The following TRNT1 variants were observed in gnomAD, a reference collection of about 807,000 sequenced individuals.
The protein encoded by TRNT1 is tRNA nucleotidyl transferase 1, also known as CCA tRNA nucleotidyltransferase 1, mitochondrial.
TRNT1 carries 44 observed loss-of-function variants against 45.6 expected under a neutral mutation model. The observed-to-expected ratio is 0.97, with a 90% CI of 0.76 to 1.24. The LOEUF is 1.24. Among genes scored for constraint, TRNT1 ranks in the 50% most tolerant of loss-of-function variants. The probability of loss-of-function intolerance (pLI) is 0.00; values close to 1 mark genes in which losing one functional copy is unlikely to be tolerated. For missense variants in TRNT1, 633 were observed against 504.4 expected (o/e 1.25, Z -2.44); for synonymous variants, 201 against 171.4 (o/e 1.17, Z -1.35).
In TRNT1 at chr3:3,137,547, A is replaced by G. The variant is rs146715294; in HGVS notation, c.342+94A>G. 1,602 of 1,111,744 alleles carry G rather than the reference A, an allele frequency of 1.4e-3. 17 individuals carry two copies. The African/African-American group carries it at 0.022, about 16-fold the overall frequency. 68.9% of individuals were successfully genotyped at this position (1,111,744 alleles called of 1,614,324 possible). A position where few individuals can be genotyped will look rare whatever the true frequency, so the allele number is the denominator to read the frequency against. On this transcript the variant is annotated intron_variant, in intron 3 of 7. Transcript: ENST00000251607. The stretch of plus-strand genomic sequence containing the variant: ...GTTAAAAGCAAATAACGAAAAGTCT[A>G]ATAAAAAAGTCAGTCTCTTCTATGC...
In TRNT1 at chr3:3,147,586, G is replaced by T. The variant is rs756115975; in HGVS notation, c.939G>T (p.Leu313Phe). 17 of 1,613,956 alleles carry T rather than the reference G, an allele frequency of 1.1e-5. No individual in the cohort carries two copies. In the South Asian group the frequency reaches 1.9e-4, roughly 18 times the overall value. The change falls in exon 7 of 8, where the codon TTG (leucine) becomes TTT (phenylalanine). Residue 313 changes from leucine to phenylalanine, a missense_variant. Leu to Phe is a conservative substitution (Grantham distance 22, BLOSUM62 0). Coordinates refer to ENST00000251607, the MANE Select transcript of TRNT1 (RefSeq NM_182916.3). The stretch of plus-strand genomic sequence containing the variant: ...ATGTCACAAAATTGGATTTGAGGTT[G>T]AAGATCGCAAAAGAGGAGAAAAACC... ...QDDVTKLDLR[L>F]KIAKEEKNLG...
chr3:3,152,307 C>T (rs1401413459), downstream of TRNT1: 4 of 817,996 alleles, frequency 4.9e-6, no homozygotes, highest in East Asian at 1.1e-4. Flanking sequence ...CCCCTGCCCC[C>T]ATACCCGGCT....
intron 4 of TRNT1, among the ~76,000 whole-genome samples, chr3:3,143,053 C>T (rs1705755478): frequency 6.6e-6 from 1 of 152,170 alleles, no homozygotes; most frequent in Non-Finnish European, 1.5e-5. Context: ...CAAACACAGC[C>T]AAGAGGTATT....
rs779471673 is a variant in TRNT1 at position 3,148,004 on chromosome 3, A to G, written c.1155A>G (p.Pro385=). ...AAATGCAGCAGTGGTCCATTCCTCC[A>G]TTTCCTGTAAGTGGCCATGACATCA... is the stretch of plus-strand genomic sequence containing the variant. The part of the protein sequence containing the change: ...LKEMQQWSIP[P]FPVSGHDIRK... Residue 385 remains proline (P), a synonymous_variant, in exon 8 of 8, where the codon CCA becomes CCG. Coordinates refer to ENST00000251607, the MANE Select transcript of TRNT1 (RefSeq NM_182916.3). 5 of 1,613,856 alleles carry G rather than the reference A, an allele frequency of 3.1e-6. No individual in the cohort carries two copies. In the African/African-American group the frequency reaches 4.0e-5, roughly 13 times the overall value.
At chr3:3,141,736 T>C (rs148440091) in intron 4 of TRNT1, among the ~76,000 whole-genome samples, 53 of 152,288 alleles carry the variant, frequency 3.5e-4, no homozygotes, top group African/African-American at 9.9e-4. Context: ...ATAACCTAGT[T>C]TGTAGCAATA....
intron 2 of TRNT1, among the ~76,000 whole-genome samples, chr3:3,133,239 C>A (rs1056864177): frequency 4.6e-5 from 7 of 152,086 alleles, no homozygotes; most frequent in Non-Finnish European, 7.3e-5. Flanking sequence ...TCAGTACAAT[C>A]ATATGCTAGT....
rs745817126 is a variant in TRNT1 at position 3,146,459 on chromosome 3, G to T, written c.638G>T (p.Gly213Val). The T allele has an allele frequency of 6.2e-7, 1 of 1,613,170 alleles. No homozygotes were observed. Among genetic ancestry groups the T allele is most frequent in the Non-Finnish European group, 8.5e-7 (1 of 1,179,712 alleles). Reference sequence around the variant, plus strand: ...TATGGGAGAATTGTAGACAAACCTGGTGACCATGATCCTGAGACTTTGGAA... The same window carrying T: ...TATGGGAGAATTGTAGACAAACCTGTTGACCATGATCCTGAGACTTTGGAA... ...RFYGRIVDKP[G>V]DHDPETLEAI... Residue 213 changes from glycine to valine, a missense_variant, in exon 6 of 8, where the codon GGT becomes GTT. Transcript: ENST00000251607.
downstream of TRNT1, chr3:3,152,710 A>AGTT (rs1161798024): frequency 4.3e-5 from 50 of 1,149,956 alleles, 1 homozygote; most frequent in African/African-American, 3.1e-4. Flanking sequence ...TTAATCCTTC[A>AGTT]GTTTTATATA....
rs111499214 is a variant in TRNT1, at chr3:3,144,454, C to T, written c.482-130C>T. Reference sequence around the variant, plus strand: ...ATTTGATAGTTGATATGTATGAATACGTATGTGTTTTAATAACTGTTCACT... The same window carrying T: ...ATTTGATAGTTGATATGTATGAATATGTATGTGTTTTAATAACTGTTCACT... On this transcript the variant is annotated intron_variant, in intron 4 of 7. Transcript: ENST00000251607. 1,201 of 817,070 alleles carry T rather than the reference C, an allele frequency of 1.5e-3. 6 individuals carry two copies. In the African/African-American group the frequency reaches 0.018, roughly 12 times the overall value. 50.6% of individuals were successfully genotyped at this position (817,070 alleles called of 1,614,324 possible). A position where few individuals can be genotyped will look rare whatever the true frequency, so the allele number is the denominator to read the frequency against.
Position 3,147,824 on chromosome 3 carries a change from T to TTGAG in TRNT1, c.1057-80_1057-77dup, listed in dbSNP as rs1706154032. 70 of 1,528,460 alleles carry TTGAG rather than the reference T, an allele frequency of 4.6e-5. 1 individual carries two copies. The South Asian group carries it at 6.6e-4, about 14-fold the overall frequency. 94.7% of individuals were successfully genotyped at this position (1,528,460 alleles called of 1,614,324 possible). The stretch of plus-strand genomic sequence containing the variant: ...CTTATTTTAAATGAAAAAATTTATG[T>TTGAG]TGAGTATTTAAATTTTAGGATAAGA... On this transcript the variant is annotated intron_variant, in intron 7 of 7. Transcript: ENST00000251607.
At position 3,144,694 on chromosome 3, in the gene TRNT1, A is replaced by C. The variant is rs757780903; in HGVS notation, c.592A>C (p.Ile198Leu). 6.5e-7 allele frequency: 1 copy of C among 1,539,564 alleles called. No homozygotes were observed. The highest frequency in any genetic ancestry group is 2.1e-5 in the Admixed American group (1 of 48,698). ...GAGAATACAAGAGGATTATCTTAGA[A>C]TTTTAAGATACTTCAGGTAAGAATT... ...KQRIQEDYLR[I>L]LRYFRFYGRI... The change falls in exon 5 of 8, where the codon ATT becomes CTT. Residue 198 changes from isoleucine (I) to leucine (L), a missense_variant. Coordinates refer to ENST00000251607, the MANE Select transcript of TRNT1 (RefSeq NM_182916.3).
intron 4 of TRNT1, 95 bp downstream of exon 4, chr3:3,140,743 G>A: frequency 6.9e-7 from 1 of 1,449,670 alleles, no homozygotes. Flanking sequence ...AACTTGAGAA[G>A]TTGCATTAAT....
chr3:3,139,528 C>G (rs1705517837), intron 3 of TRNT1, among the ~76,000 whole-genome samples: 5 of 152,306 alleles, frequency 3.3e-5, no homozygotes, highest in Non-Finnish European at 1.5e-5. Flanking sequence ...TATACTTTCT[C>G]TTTTACATAT....
intron 2 of TRNT1, among the ~76,000 whole-genome samples, chr3:3,135,151 G>C (rs1316619422): frequency 6.6e-6 from 1 of 152,164 alleles, no homozygotes; most frequent in East Asian, 1.9e-4. Context: ...TCTTAGTGTG[G>C]GTTATGGGCT....
downstream of TRNT1, chr3:3,152,429 A>T: frequency 6.2e-7 from 1 of 1,602,722 alleles, no homozygotes; most frequent in Non-Finnish European, 8.5e-7. Context: ...AAAAGAAAAA[A>T]AAAAGCAACC....
intron 2 of TRNT1, chr3:3,131,397 C>T (rs1705010634): frequency 6.6e-6 from 1 of 152,112 alleles, no homozygotes. Context: ...AAATAAGGTT[C>T]TAAATATTGA....
At chr3:3,147,339 T>C (rs2126036358) in intron 6 of TRNT1, 111 bp from the exon 7 acceptor site, 4 of 1,216,722 alleles carry the variant, frequency 3.3e-6, no homozygotes, top group Non-Finnish European at 4.6e-6. Flanking sequence ...ACCTATATAA[T>C]GTATCCTAGT....
At chr3:3,135,366 A>G (rs528290269) in intron 2 of TRNT1, among the ~76,000 whole-genome samples, 1 of 152,268 alleles carries the variant, frequency 6.6e-6, no homozygotes, top group East Asian at 2.0e-4. Context: ...GAATTTGGGT[A>G]CTGTGTTGTG....
chr3:3,149,762 C>G (rs1257918559), downstream of TRNT1: 1 of 152,140 alleles, frequency 6.6e-6, no homozygotes, highest in Non-Finnish European at 1.5e-5. Flanking sequence ...GTGTGACACT[C>G]AACTGATTTC....
Sources: allele counts gnomAD v4.1 joint callset (sites outside exome capture counted in the v4.1 genomes callset), GRCh38; gene constraint gnomAD v4.1.1; transcripts MANE v1.5; gene names NCBI Gene and HGNC (gene_info 2026-07-23, HGNC 2026-07-21).